The following ARHGAP10 variants were observed in gnomAD, a reference collection of about 807,000 sequenced individuals.
The protein encoded by ARHGAP10 is rho GTPase-activating protein 10.
In ARHGAP10, 87 loss-of-function variants were observed where a neutral mutation model predicts 108.6. The observed-to-expected ratio is 0.80, with a 90% CI of 0.67 to 0.96. The LOEUF is 0.96. Among genes scored for constraint, ARHGAP10 ranks in the 40% least tolerant of loss-of-function variants. The probability of loss-of-function intolerance (pLI) is 0.00; values close to 1 mark genes in which losing one functional copy is unlikely to be tolerated. For missense variants in ARHGAP10, 939 were observed against 954.5 expected, an observed-to-expected ratio of 0.98 and a Z score of 0.21; for synonymous variants, 347 against 341.1, an observed-to-expected ratio of 1.02 and a Z score of -0.19.
intron 14 of ARHGAP10, among the ~76,000 whole-genome samples, chr4:147,942,933 G>A (rs1738215504): frequency 6.6e-6 from 1 of 152,204 alleles, no homozygotes. Context: ...CCCCTTTGCA[G>A]CCTCTAAGAC....
At chr4:147,906,012 ACT>A (rs1736472585) in intron 10 of ARHGAP10, among the ~76,000 whole-genome samples, 1 of 152,140 alleles carries the variant, frequency 6.6e-6, no homozygotes, top group Non-Finnish European at 1.5e-5. Flanking sequence ...ATGGGAATTC[ACT>A]CATGATTTGG....
intron 1 of ARHGAP10, among the ~76,000 whole-genome samples, chr4:147,810,168 A>G (rs964139773): frequency 9.2e-5 from 14 of 152,208 alleles, no homozygotes; most frequent in African/African-American, 3.4e-4. Flanking sequence ...CTTCCCTACC[A>G]TTACAGGCGA....
intron 18 of ARHGAP10, among the ~76,000 whole-genome samples, chr4:147,983,254 C>T (rs1454090627): frequency 1.3e-5 from 2 of 148,734 alleles, no homozygotes; most frequent in South Asian, 2.1e-4. Flanking sequence ...GGCACGATCT[C>T]GGCTCACTGC....
intron 1 of ARHGAP10, among the ~76,000 whole-genome samples, chr4:147,780,162 T>G (rs533738121): frequency 6.6e-6 from 1 of 152,322 alleles, no homozygotes; most frequent in African/African-American, 2.4e-5. Context: ...TAAAAATCTG[T>G]GAGCTACCCA....
intron 12 of ARHGAP10, among the ~76,000 whole-genome samples, chr4:147,910,681 T>A (rs1296874313): frequency 6.6e-6 from 1 of 152,218 alleles, no homozygotes; most frequent in Non-Finnish European, 1.5e-5. Flanking sequence ...CTTGATTTTT[T>A]TTTTTAACTT....
intron 3 of ARHGAP10, among the ~76,000 whole-genome samples, chr4:147,834,711 TACCC>T (rs1733093578): frequency 6.9e-6 from 1 of 145,282 alleles, no homozygotes; most frequent in Non-Finnish European, 1.5e-5. Flanking sequence ...CCCATACACA[TACCC>T]ACCCACTTCC....
chr4:147,752,796 G>A (rs751036985), intron 1 of ARHGAP10, among the ~76,000 whole-genome samples: 8 of 152,306 alleles, frequency 5.3e-5, no homozygotes, highest in Non-Finnish European at 7.3e-5. Context: ...CAAAGTGCCG[G>A]GATTACAGGC....
chr4:147,811,596 A>C (rs142924897), intron 1 of ARHGAP10, among the ~76,000 whole-genome samples: 50 of 152,022 alleles, frequency 3.3e-4, no homozygotes, highest in South Asian at 2.1e-3. Context: ...TTTTTAAAAA[A>C]AAAAAACAAA....
intron 18 of ARHGAP10, among the ~76,000 whole-genome samples, chr4:148,001,786 T>C (rs1041722403): frequency 6.6e-6 from 1 of 152,250 alleles, no homozygotes; most frequent in African/African-American, 2.4e-5. Flanking sequence ...TTTGCTGAAG[T>C]TGCTTACCAG....
At position 147,738,192 on chromosome 4, in the gene ARHGAP10, C is replaced by T. The variant is rs563946183; in HGVS notation, c.154+5737C>T. ...CTGGGTTCATACCCAAGCTCAACCACCTGCTAACAGGGGATCCTTGCTCAA... is the reference window on the plus strand; with the variant it reads ...CTGGGTTCATACCCAAGCTCAACCATCTGCTAACAGGGGATCCTTGCTCAA... On this transcript the variant is annotated intron_variant, in intron 1 of 22. Transcript: ENST00000336498. 2.4e-4 allele frequency among the ~76,000 whole-genome samples: 36 copies of T among 152,260 alleles called. No individual in the cohort carries two copies. The South Asian group carries it at 5.4e-3, about 23-fold the overall frequency.
intron 18 of ARHGAP10, among the ~76,000 whole-genome samples, chr4:148,012,104 T>C (rs1741192103): frequency 6.6e-6 from 1 of 152,222 alleles, no homozygotes; most frequent in Non-Finnish European, 1.5e-5. Context: ...CCTTCCTGTG[T>C]GTGTGGTTCT....
At chr4:147,878,158 C>T (rs1480962951) in intron 8 of ARHGAP10, among the ~76,000 whole-genome samples, 2 of 151,872 alleles carry the variant, frequency 1.3e-5, no homozygotes, top group Admixed American at 6.6e-5. Context: ...TGCAGTGGCG[C>T]GATCTCAGCT....
intron 1 of ARHGAP10, among the ~76,000 whole-genome samples, chr4:147,781,848 A>G (rs1193308819): frequency 2.0e-5 from 3 of 152,080 alleles, no homozygotes; most frequent in Non-Finnish European, 2.9e-5. Flanking sequence ...ACGCGTCAGT[A>G]TTTCCATAGT....
intron 1 of ARHGAP10, among the ~76,000 whole-genome samples, chr4:147,766,768 T>C (rs1333173649): frequency 6.9e-6 from 1 of 144,748 alleles, no homozygotes; most frequent in East Asian, 2.0e-4. Flanking sequence ...CATATATATT[T>C]TGAGCTCATA....
At chr4:147,870,941 TGTGTG>T (rs1734792599) in intron 7 of ARHGAP10, among the ~76,000 whole-genome samples, 1 of 103,556 alleles carries the variant, frequency 9.7e-6, no homozygotes, top group African/African-American at 7.0e-5. Context: ...TGTGTGTGTG[TGTGTG>T]TGTGTGTGTG....
rs1738392626 is a variant in ARHGAP10 at position 147,946,666 on chromosome 4, A to G, written c.1353A>G (p.Glu451=). The change falls in exon 15 of 23, where the codon GAA becomes GAG. Residue 451 remains glutamate (E), a synonymous_variant. Coordinates refer to ENST00000336498, the MANE Select transcript of ARHGAP10 (RefSeq NM_024605.4). ...ACCTGGAGAATTCTGCAGATTGGGAAGTGAAGACAATAACAAGTGCCTTGA... is the reference window on the plus strand; with the variant it reads ...ACCTGGAGAATTCTGCAGATTGGGAGGTGAAGACAATAACAAGTGCCTTGA... ...EVDLENSADW[E]VKTITSALKQ... 5.0e-6 allele frequency: 8 copies of G among 1,612,758 alleles called. No homozygotes were observed. Among genetic ancestry groups the G allele is most frequent in the Non-Finnish European group, 6.8e-6 (8 of 1,179,596 alleles).
chr4:148,008,125 T>C (rs1323725649), intron 18 of ARHGAP10, among the ~76,000 whole-genome samples: 1 of 152,192 alleles, frequency 6.6e-6, no homozygotes, highest in Non-Finnish European at 1.5e-5. Context: ...TTGCTCCTCC[T>C]GAGGCATACA....
chr4:147,791,832 G>C (rs958330438), intron 1 of ARHGAP10, among the ~76,000 whole-genome samples: 12 of 151,990 alleles, frequency 7.9e-5, no homozygotes, highest in African/African-American at 2.9e-4. Flanking sequence ...TGATCCACCT[G>C]CCTTGGCCTC....
At chr4:147,894,576 T>C (rs1273729047) in intron 10 of ARHGAP10, among the ~76,000 whole-genome samples, 1 of 152,168 alleles carries the variant, frequency 6.6e-6, no homozygotes, top group East Asian at 1.9e-4. Flanking sequence ...TTTAAAAACA[T>C]TTTATTAAGG....
Sources: gnomAD v4.1 joint callset for allele counts (sites outside exome capture counted in the v4.1 genomes callset) on GRCh38, gnomAD v4.1.1 for gene constraint, MANE v1.5 for transcripts, NCBI Gene and HGNC (gene_info 2026-07-23, HGNC 2026-07-21) for gene names.